Variants in UNC5C observed in about 807,000 individuals in gnomAD.
The protein encoded by UNC5C is netrin receptor UNC5C.
Under a neutral mutation model 99.8 loss-of-function variants are expected in UNC5C, and 47 were observed. The ratio of observed to expected loss-of-function variants is 0.47; its 90% confidence interval spans 0.37 to 0.60. UNC5C has a LOEUF of 0.60. UNC5C is among the 20% of genes least tolerant of loss of function. UNC5C has a pLI of 0.00. For missense variants in UNC5C, 1,062 were observed against 1,165.9 expected (o/e 0.91, Z 1.30); for synonymous variants, 487 against 452.2 (o/e 1.08, Z -0.98).
At chr4:95,478,279 T>C (rs567136287) in intron 1 of UNC5C, among the ~76,000 whole-genome samples, 2 of 152,078 alleles carry the variant, frequency 1.3e-5, no homozygotes, top group Admixed American at 1.3e-4. Context: ...TGTGCCTCGG[T>C]TGTCTCTAAG....
intron 1 of UNC5C, among the ~76,000 whole-genome samples, chr4:95,353,205 G>T (rs957655052): frequency 6.6e-6 from 1 of 152,046 alleles, no homozygotes; most frequent in South Asian, 2.1e-4. Context: ...CAATTTGGGG[G>T]TCTCAATTGT....
In UNC5C at chr4:95,335,411, G is replaced by A. The variant is rs145222974; in HGVS notation, c.345C>T (p.Ser115=). The A allele has an allele frequency of 2.3e-4, 363 of 1,610,286 alleles. No homozygotes were observed. The highest frequency in any genetic ancestry group is 3.0e-4 in the Non-Finnish European group (353 of 1,177,692). ...ATGCAAATGCAATGGAAAACTCACC[G>A]GAAGTTTCATCTACTCTTTCATCTA... ...HIVDERVDET[S]GLIVREVSIE... The change falls in exon 2 of 16, where the codon TCC becomes TCT. Residue 115 remains serine, a splice_region_variant and synonymous_variant. Coordinates refer to ENST00000453304, the MANE Select transcript of UNC5C (RefSeq NM_003728.4).
chr4:95,426,567 C>T (rs1000673152), intron 1 of UNC5C, among the ~76,000 whole-genome samples: 1 of 152,196 alleles, frequency 6.6e-6, no homozygotes, highest in Non-Finnish European at 1.5e-5. Flanking sequence ...GCCTCTTGTG[C>T]CAAACAGTTA....
At chr4:95,170,927 A>G (rs1736073251) in intron 14 of UNC5C, among the ~76,000 whole-genome samples, 1 of 152,250 alleles carries the variant, frequency 6.6e-6, no homozygotes, top group Non-Finnish European at 1.5e-5. Flanking sequence ...TGGTAAACAC[A>G]GTATATTATT....
chr4:95,540,020 T>C (rs1203567752), intron 1 of UNC5C, among the ~76,000 whole-genome samples: 1 of 152,044 alleles, frequency 6.6e-6, no homozygotes, highest in African/African-American at 2.4e-5. Flanking sequence ...TGTGTATAAA[T>C]ATAAACAAAA....
intron 9 of UNC5C, among the ~76,000 whole-genome samples, chr4:95,217,802 C>A (rs1038161809): frequency 2.6e-5 from 4 of 152,022 alleles, no homozygotes; most frequent in African/African-American, 9.7e-5. Flanking sequence ...TGTTTTGATT[C>A]ATTCAATAAT....
rs115018499 is a variant in UNC5C at position 95,166,871 on chromosome 4, A to G, written c.*2363T>C. 6.6e-6 allele frequency: 1 copy of G among 152,332 alleles called. No homozygotes were observed. Among genetic ancestry groups the G allele is most frequent in the Non-Finnish European group, 1.5e-5 (1 of 68,034 alleles). 9.4% of individuals were successfully genotyped at this position (152,332 alleles called of 1,614,324 possible). A position where few individuals can be genotyped will look rare whatever the true frequency, so the allele number is the denominator to read the frequency against. On this transcript the variant is annotated 3_prime_UTR_variant, in exon 16 of 16. Coordinates refer to ENST00000453304, the MANE Select transcript of UNC5C (RefSeq NM_003728.4). ...TTAGAATACAGTTTTACTCATTGCT[A>G]CAAACATCCACTGAACTTGTTTATA...
At chr4:95,278,113 A>G in intron 4 of UNC5C, 146 bp downstream of exon 4, 1 of 653,492 alleles carries the variant, frequency 1.5e-6, no homozygotes, top group Non-Finnish European at 2.7e-6. Flanking sequence ...CAATCAATCT[A>G]TTTTGCCAGC....
chr4:95,388,810 A>G (rs1482868711), intron 1 of UNC5C, among the ~76,000 whole-genome samples: 2 of 152,126 alleles, frequency 1.3e-5, no homozygotes, highest in East Asian at 1.9e-4. Flanking sequence ...AATTCATATC[A>G]TTTCTAAATG....
intron 1 of UNC5C, among the ~76,000 whole-genome samples, chr4:95,464,896 C>T (rs1747726988): frequency 6.6e-6 from 1 of 152,148 alleles, no homozygotes; most frequent in Non-Finnish European, 1.5e-5. Flanking sequence ...GTATTAGGTG[C>T]TACATTTTCA....
chr4:95,325,090 A>G (rs1056939347), intron 2 of UNC5C, among the ~76,000 whole-genome samples: 1 of 152,210 alleles, frequency 6.6e-6, no homozygotes, highest in African/African-American at 2.4e-5. Context: ...AGGAAAAACC[A>G]TATCGGCTTA....
chr4:95,429,559 G>GA (rs960815299), intron 1 of UNC5C, among the ~76,000 whole-genome samples: 2 of 151,826 alleles, frequency 1.3e-5, no homozygotes, highest in Non-Finnish European at 1.5e-5. Context: ...AAAAAAAGAA[G>GA]AAAAAAAATT....
At chr4:95,310,278 G>A (rs1398158005) in intron 2 of UNC5C, among the ~76,000 whole-genome samples, 2 of 152,086 alleles carry the variant, frequency 1.3e-5, no homozygotes, top group African/African-American at 2.4e-5. Context: ...GTTCACAGAG[G>A]GTAGGGGGTC....
intron 1 of UNC5C, among the ~76,000 whole-genome samples, chr4:95,358,494 G>A (rs188905162): frequency 6.6e-6 from 1 of 152,290 alleles, no homozygotes; most frequent in Admixed American, 6.5e-5. Context: ...AATGAACAGT[G>A]CTGGTTAATA....
At chr4:95,355,697 A>C (rs28692541) in intron 1 of UNC5C, among the ~76,000 whole-genome samples, 54,073 of 151,858 alleles carry the variant, frequency 0.36, 10,970 homozygotes, top group African/African-American at 0.54. Flanking sequence ...TGGTGGAAGT[A>C]CAGACTCCTA....
intron 13 of UNC5C, among the ~76,000 whole-genome samples, chr4:95,183,940 G>T (rs896500085): frequency 5.3e-5 from 8 of 152,194 alleles, no homozygotes; most frequent in African/African-American, 1.9e-4. Context: ...AGAGTGTCCA[G>T]CAGATGGTAA....
rs6148582 is a variant in UNC5C at position 95,545,772 on chromosome 4, G to GCGCACA, written c.124+2961_124+2962insTGTGCG. On this transcript the variant is annotated intron_variant, in intron 1 of 15. Coordinates refer to ENST00000453304, the MANE Select transcript of UNC5C (RefSeq NM_003728.4). ...TGATCTCACACACACGCGCGCGCGC[G>GCGCACA]CACACACACACACACACACACACTG... Among the ~76,000 whole-genome samples, 981 of 148,388 alleles carry GCGCACA rather than the reference G, an allele frequency of 6.6e-3. 17 individuals are homozygous for GCGCACA. The highest frequency in any genetic ancestry group is 0.022 in the African/African-American group (916 of 40,736).
intron 1 of UNC5C, among the ~76,000 whole-genome samples, chr4:95,545,768 G>GTGCA (rs1193458911): frequency 7.8e-5 from 10 of 128,156 alleles, no homozygotes; most frequent in African/African-American, 3.8e-4. Context: ...ACACGCGCGC[G>GTGCA]CGCGCACACA....
intron 1 of UNC5C, among the ~76,000 whole-genome samples, chr4:95,370,901 A>C (rs1239680466): frequency 6.6e-6 from 1 of 152,212 alleles, no homozygotes; most frequent in Non-Finnish European, 1.5e-5. Flanking sequence ...CGTTTTTCTA[A>C]TAAGTAAGCG....
Sources: gnomAD v4.1 joint callset for allele counts (sites outside exome capture counted in the v4.1 genomes callset) on GRCh38, gnomAD v4.1.1 for gene constraint, MANE v1.5 for transcripts, NCBI Gene and HGNC (gene_info 2026-07-23, HGNC 2026-07-21) for gene names.